Variants in COL23A1 observed in about 807,000 individuals in gnomAD.
The protein encoded by COL23A1 is collagen alpha-1(XXIII) chain.
COL23A1 carries 97 observed loss-of-function variants against 99.3 expected under a neutral mutation model. The observed-to-expected ratio is 0.98, with a 90% confidence interval of 0.83 to 1.16. COL23A1 has a LOEUF of 1.16. COL23A1 is among the 50% of genes most tolerant of loss of function. The probability of loss-of-function intolerance (pLI) is 0.00; values close to 1 mark genes in which losing one functional copy is unlikely to be tolerated. For synonymous variants in COL23A1, 320 were observed against 308.2 expected, an observed-to-expected ratio of 1.04 and a Z score of -0.40; for missense variants, 762 against 757.4, an observed-to-expected ratio of 1.01 and a Z score of -0.07.
At chr5:178,350,282 ATTTCAGTCC>A (rs1761247598) in intron 2 of COL23A1, among the ~76,000 whole-genome samples, 1 of 151,798 alleles carries the variant, frequency 6.6e-6, no homozygotes, top group African/African-American at 2.4e-5. Flanking sequence ...CTATTTCTCC[ATTTCAGTCC>A]TTTGCGCTTG....
chr5:178,341,906 A>G (rs1410429970), intron 2 of COL23A1, among the ~76,000 whole-genome samples: 1 of 151,814 alleles, frequency 6.6e-6, no homozygotes, highest in Admixed American at 6.6e-5. Flanking sequence ...CTCACATGCC[A>G]CCTTCTCATG....
rs746825809 is a variant in COL23A1, at chr5:178,560,692, G to A, written c.351C>T (p.Val117=). The change falls in exon 2 of 29, where the codon GTC becomes GTT. Residue 117 remains valine (V), a synonymous_variant. Coordinates refer to ENST00000390654, the MANE Select transcript of COL23A1 (RefSeq NM_173465.4). ...RTAREAPSEC[V]CPPGPPGRRG... ...TCAACCTTCACTTACCTGGGGGGCA[G>A]ACACATTCGGATGGAGCTTCCCGAG... 6.2e-7 allele frequency: 1 copy of A among 1,612,680 alleles called. No homozygotes were observed. The highest frequency in any genetic ancestry group is 1.1e-5 in the South Asian group (1 of 90,768).
In COL23A1 at chr5:178,306,246, C is replaced by T. The variant is rs1333421024; in HGVS notation, c.406+629G>A. ...GGGTGGGGGTCAAGAAAGAGAAAGA[C>T]AGCAAAGCATCCAGTGTGGCCATCA... On this transcript the variant is annotated intron_variant, in intron 3 of 28. Transcript: ENST00000390654. The surrounding 1 kb of genome is among the most constrained non-coding windows in gnomAD (Gnocchi z 4.1). 1.3e-5 allele frequency among the ~76,000 whole-genome samples: 2 copies of T among 152,074 alleles called. No homozygotes were observed. Among genetic ancestry groups the T allele is most frequent in the Non-Finnish European group, 2.9e-5 (2 of 68,002 alleles).
At chr5:178,408,605 C>G (rs1764879927) in intron 2 of COL23A1, among the ~76,000 whole-genome samples, 2 of 151,820 alleles carry the variant, frequency 1.3e-5, no homozygotes, top group Non-Finnish European at 2.9e-5. Flanking sequence ...GTATAGTCAC[C>G]CTGAAAAATA....
At chr5:178,431,282 T>C (rs1486150701) in intron 2 of COL23A1, among the ~76,000 whole-genome samples, 1 of 152,160 alleles carries the variant, frequency 6.6e-6, no homozygotes, top group Non-Finnish European at 1.5e-5. Context: ...TGGTCAGAGC[T>C]GGTTTTGGAA....
Position 178,259,772 on chromosome 5 carries a change from A to G in COL23A1, c.703-25T>C, listed in dbSNP as rs375069491. ...CCTGGGGGAGGCAATGGGGGGTTCA[A>G]GAGCAAGGTCAAAACCATAGGAGAG... On this transcript the variant is annotated intron_variant, in intron 11 of 28. Transcript: ENST00000390654. The G allele has an allele frequency of 1.9e-6, 3 of 1,597,212 alleles. No individual in the cohort carries two copies. In the East Asian group the frequency reaches 6.8e-5, roughly 36 times the overall value.
chr5:178,249,712 ACACACTCTCTCTCTCT>A (rs1484772909), intron 18 of COL23A1, among the ~76,000 whole-genome samples: 2 of 90,562 alleles, frequency 2.2e-5, no homozygotes, highest in Non-Finnish European at 5.0e-5. Context: ...ACACACACAC[ACACACTCTCTCTCTCT>A]CTCTCTCTCT....
chr5:178,523,177 TACACATATATATATATATATATATAG>T (rs1394583344), intron 2 of COL23A1, among the ~76,000 whole-genome samples: 1 of 77,868 alleles, frequency 1.3e-5, no homozygotes, highest in Non-Finnish European at 2.6e-5. Context: ...TATATATATA[TACACATATATATATATATATATATAG>T]AGAGAGAGAG....
At chr5:178,380,595 G>A (rs751495534) in intron 2 of COL23A1, among the ~76,000 whole-genome samples, 6 of 152,104 alleles carry the variant, frequency 3.9e-5, no homozygotes, top group Non-Finnish European at 7.4e-5. Flanking sequence ...ACATTTCTAC[G>A]TGGAAATGTT....
At position 178,270,336 on chromosome 5, in the gene COL23A1, C is replaced by T. The variant is rs752804406; in HGVS notation, c.468+1G>A. 43 of 1,613,704 alleles carry T rather than the reference C, an allele frequency of 2.7e-5. No individual in the cohort carries two copies. In the Admixed American group the frequency reaches 4.0e-4, roughly 15 times the overall value. ...CCTGGAATTGCCCTGTCATCACTTA[C>T]GGGCTTGCCATCCAAACCCAGGGGT... On this transcript the variant is annotated splice_donor_variant, in intron 6 of 28. Transcript: ENST00000390654. LOFTEE classifies it high-confidence loss of function.
chr5:178,508,693 A>G (rs536664), intron 2 of COL23A1, among the ~76,000 whole-genome samples: 89,163 of 151,274 alleles, frequency 0.59, 26,898 homozygotes, highest in East Asian at 0.88. Flanking sequence ...CCACTCCACC[A>G]ACACCATGGA....
At chr5:178,380,801 G>A (rs776761297) in intron 2 of COL23A1, among the ~76,000 whole-genome samples, 10 of 152,290 alleles carry the variant, frequency 6.6e-5, no homozygotes, top group Middle Eastern at 3.4e-3. Context: ...TGTCCCCAGC[G>A]TCCTGCTGAG....
chr5:178,503,430 A>G (rs772879165), intron 2 of COL23A1, among the ~76,000 whole-genome samples: 11 of 152,224 alleles, frequency 7.2e-5, no homozygotes, highest in Non-Finnish European at 1.2e-4. Flanking sequence ...TGCTGAGGAC[A>G]TATCACTGGC....
intron 18 of COL23A1, 62 bp downstream of exon 18, chr5:178,249,999 A>G: frequency 6.4e-7 from 1 of 1,568,082 alleles, no homozygotes; most frequent in Non-Finnish European, 8.8e-7. Flanking sequence ...ACACACACAC[A>G]CACACACACA....
chr5:178,382,577 G>A (rs934339192), intron 2 of COL23A1, among the ~76,000 whole-genome samples: 6 of 152,122 alleles, frequency 3.9e-5, no homozygotes, highest in South Asian at 2.1e-4. Context: ...CAGAGTGGGG[G>A]GTGAGGAGGG....
intron 8 of COL23A1, among the ~76,000 whole-genome samples, chr5:178,264,176 G>A (rs544449617): frequency 2.0e-5 from 3 of 152,136 alleles, no homozygotes; most frequent in African/African-American, 7.2e-5. Flanking sequence ...ACAGGTGGGG[G>A]CATCTGAATA....
chr5:178,391,057 T>C (rs977544921), intron 2 of COL23A1, among the ~76,000 whole-genome samples: 1 of 152,164 alleles, frequency 6.6e-6, no homozygotes, highest in African/African-American at 2.4e-5. Context: ...ACAGTGAGCA[T>C]TACCGCCTGA....
chr5:178,589,955 T>C lies in COL23A1; in HGVS notation c.243A>G (p.Pro81=). 7.5e-7 allele frequency: 1 copy of C among 1,327,494 alleles called. No individual in the cohort carries two copies. Among genetic ancestry groups the C allele is most frequent in the Non-Finnish European group, 9.6e-7 (1 of 1,046,086 alleles). The allele number at this position is 1,327,494 out of a possible 1,614,324, so 82.2% of individuals were successfully genotyped here. A position where few individuals can be genotyped will look rare whatever the true frequency, so the allele number is the denominator to read the frequency against. The change falls in exon 1 of 29, where the codon CCA becomes CCG. Residue 81 remains proline, a synonymous_variant. Coordinates refer to ENST00000390654, the MANE Select transcript of COL23A1 (RefSeq NM_173465.4). This position sits in a 1 kb window ranked among gnomAD's most constrained non-coding sequence, Gnocchi z 5.4. ...ERELLRRAGP[P]GALDAWAEPH... is the part of the protein sequence containing the mutation. ...GCTCGGCCCAGGCGTCCAGGGCGCC[T>C]GGCGGCCCCGCGCGCCGCAGCAGCT...
intron 8 of COL23A1, among the ~76,000 whole-genome samples, chr5:178,264,883 T>G: frequency 6.6e-6 from 1 of 152,208 alleles, no homozygotes; most frequent in East Asian, 1.9e-4. Context: ...TGACCTCAAC[T>G]GATCTGCCTG....
Sources: allele counts gnomAD v4.1 joint callset (sites outside exome capture counted in the v4.1 genomes callset), GRCh38; gene constraint gnomAD v4.1.1; non-coding constraint Gnocchi (gnomAD v3.1); transcripts MANE v1.5; gene names NCBI Gene and HGNC (gene_info 2026-07-23, HGNC 2026-07-21).